The following CPVL variants were observed in gnomAD, a reference collection of about 807,000 sequenced individuals.
CPVL encodes the protein probable serine carboxypeptidase CPVL.
Under a neutral mutation model 63.7 loss-of-function variants are expected in CPVL, and 51 were observed. That is an observed-to-expected ratio of 0.80 (90% CI 0.64 to 1.01). The LOEUF (loss-of-function observed/expected upper bound fraction) is 1.01. Ranked by LOEUF, CPVL falls within the 50% of genes least tolerant of loss-of-function variation. The pLI is 0.00. For missense variants in CPVL, 530 were observed against 573.1 expected (o/e 0.92, Z 0.77); for synonymous variants, 195 against 206.0 (o/e 0.95, Z 0.46).
chr7:29,063,026 G>A (rs1040918316), intron 11 of CPVL, among the ~76,000 whole-genome samples: 2 of 152,106 alleles, frequency 1.3e-5, no homozygotes, highest in African/African-American at 4.8e-5. Flanking sequence ...CAGAGGAGGA[G>A]CTGAGAGCGT....
intron 12 of CPVL, among the ~76,000 whole-genome samples, chr7:29,002,579 G>A (rs1034717039): frequency 6.6e-6 from 1 of 152,104 alleles, no homozygotes; most frequent in Admixed American, 6.6e-5. Context: ...GACCACAAAT[G>A]ATCCAGATAT....
chr7:29,146,969 G>C, upstream of CPVL: 1 of 1,550,818 alleles, frequency 6.4e-7, no homozygotes, highest in South Asian at 1.2e-5. Flanking sequence ...CAGTAAGCTC[G>C]CACCAAGTGC....
intron 12 of CPVL, among the ~76,000 whole-genome samples, chr7:29,013,773 C>A (rs551708368): frequency 2.4e-4 from 37 of 152,298 alleles, no homozygotes; most frequent in African/African-American, 8.4e-4. Context: ...GCAGACAGCC[C>A]CCAGCTGTCA....
chr7:29,177,636 TTATC>T (rs1320768327), intron 5 of CPVL, among the ~76,000 whole-genome samples: 2 of 151,946 alleles, frequency 1.3e-5, no homozygotes, highest in Admixed American at 1.3e-4. Context: ...TTCCATCTGT[TTATC>T]TATCTGTCCA....
At chr7:29,195,082 G>T in exon 1 of CPVL, 1 of 1,355,798 alleles carries the variant, frequency 7.4e-7, no homozygotes. Context: ...CCTACCTGTG[G>T]CCATCCCGCC....
chr7:29,167,845 T>C (rs923068095), intron 5 of CPVL, among the ~76,000 whole-genome samples: 1 of 152,266 alleles, frequency 6.6e-6, no homozygotes, highest in African/African-American at 2.4e-5. Flanking sequence ...TAATGAATTG[T>C]GAAGGAATGT....
At chr7:29,095,996 G>A (rs770130887) in intron 4 of CPVL, 107 bp downstream of exon 4, 43 of 895,028 alleles carry the variant, frequency 4.8e-5, no homozygotes, top group South Asian at 2.3e-4. Flanking sequence ...AATCTGGAAC[G>A]GTTAAGCTAT....
At chr7:29,009,704 T>G (rs1455905481) in intron 12 of CPVL, 1 of 152,156 alleles carries the variant, frequency 6.6e-6, no homozygotes, top group Non-Finnish European at 1.5e-5. Flanking sequence ...TATATATGGA[T>G]ACGTATGTCT....
At chr7:29,078,134 T>C (rs544920559) in intron 7 of CPVL, among the ~76,000 whole-genome samples, 3 of 152,332 alleles carry the variant, frequency 2.0e-5, no homozygotes, top group Non-Finnish European at 4.4e-5. Flanking sequence ...AACAAGAATA[T>C]GACTTTATCA....
chr7:29,135,719 G>T (rs759942762), intron 1 of CPVL, among the ~76,000 whole-genome samples: 8 of 151,996 alleles, frequency 5.3e-5, no homozygotes, highest in Admixed American at 3.9e-4. Flanking sequence ...TACAGATAGG[G>T]TCTCACTCTG....
At chr7:29,132,570 G>C (rs1302300370) in intron 1 of CPVL, among the ~76,000 whole-genome samples, 2 of 152,134 alleles carry the variant, frequency 1.3e-5, no homozygotes, top group Non-Finnish European at 2.9e-5. Context: ...GTGTGAATCT[G>C]AGGATTGCTG....
At chr7:29,024,250 G>A (rs1261177991) in intron 12 of CPVL, among the ~76,000 whole-genome samples, 1 of 152,092 alleles carries the variant, frequency 6.6e-6, no homozygotes, top group Non-Finnish European at 1.5e-5. Context: ...AATACTTTTT[G>A]AAGTAGAAGA....
At chr7:29,077,449 A>G (rs1239609126) in intron 7 of CPVL, among the ~76,000 whole-genome samples, 1 of 152,152 alleles carries the variant, frequency 6.6e-6, no homozygotes, top group Non-Finnish European at 1.5e-5. Flanking sequence ...AAGTTTCACC[A>G]TCCACAGGCC....
intron 11 of CPVL, among the ~76,000 whole-genome samples, chr7:29,054,780 T>C (rs1212796244): frequency 6.6e-6 from 1 of 152,188 alleles, no homozygotes; most frequent in Non-Finnish European, 1.5e-5. Flanking sequence ...TGCCTCTTAA[T>C]CTCCCTTCAA....
chr7:29,079,776 C>G (rs992772655), intron 7 of CPVL, among the ~76,000 whole-genome samples: 1 of 152,174 alleles, frequency 6.6e-6, no homozygotes, highest in African/African-American at 2.4e-5. Context: ...GGTTGCCACC[C>G]TTCTGTTTGC....
chr7:29,075,668 A>G (rs2128581734), intron 7 of CPVL, among the ~76,000 whole-genome samples: 1 of 152,220 alleles, frequency 6.6e-6, no homozygotes, highest in East Asian at 1.9e-4. Context: ...ACAGATGAGT[A>G]GTACTATAAC....
intron 12 of CPVL, chr7:29,010,237 G>C (rs1785674401): frequency 6.6e-6 from 1 of 152,206 alleles, no homozygotes; most frequent in South Asian, 2.1e-4. Flanking sequence ...CTCCATGCTG[G>C]ACAGCAGAAG....
intron 11 of CPVL, among the ~76,000 whole-genome samples, chr7:29,040,298 C>T (rs78938502): frequency 0.014 from 2,174 of 152,308 alleles, 53 homozygotes; most frequent in Admixed American, 0.071. Context: ...TTATCCAGCT[C>T]AACAAACAAT....
At chr7:29,108,458 C>T (rs1337836478) in intron 3 of CPVL, among the ~76,000 whole-genome samples, 1 of 152,108 alleles carries the variant, frequency 6.6e-6, no homozygotes, top group East Asian at 1.9e-4. Context: ...TAGTAATTTC[C>T]TGACCTGGTA....
Sources: gnomAD v4.1 joint callset for allele counts (sites outside exome capture counted in the v4.1 genomes callset) on GRCh38, gnomAD v4.1.1 for gene constraint, MANE v1.5 for transcripts, NCBI Gene and HGNC (gene_info 2026-07-23, HGNC 2026-07-21) for gene names.